The following DIP2B variants were observed in gnomAD, a reference collection of about 807,000 sequenced individuals.
DIP2B encodes the protein DIP2 acetate--CoA ligase B (putative).
DIP2B carries 76 observed loss-of-function variants against 198.0 expected under a neutral mutation model. The observed-to-expected ratio is 0.38, with a 90% CI of 0.32 to 0.46. DIP2B has a LOEUF of 0.46. Ranked by LOEUF, DIP2B falls within the 20% of genes least tolerant of loss-of-function variation. The pLI, the probability that DIP2B is intolerant of heterozygous loss-of-function variation, is 0.99. For synonymous variants in DIP2B, 701 were observed against 739.1 expected (o/e 0.95, Z 0.84); for missense variants, 1,559 against 1,978.4 (o/e 0.79, Z 4.02).
At chr12:50,542,857 G>C (rs1958339017) in intron 1 of DIP2B, among the ~76,000 whole-genome samples, 1 of 152,018 alleles carries the variant, frequency 6.6e-6, no homozygotes, top group Admixed American at 6.6e-5. Context: ...TCTGTTCAGA[G>C]GTTTCTTTTC....
rs145874246 is a variant in DIP2B at position 50,695,302 on chromosome 12, C to G, written c.1755C>G (p.Pro585=). The G allele has an allele frequency of 6.2e-7, 1 of 1,613,856 alleles. No homozygotes were observed. Among genetic ancestry groups the G allele is most frequent in the African/African-American group, 1.3e-5 (1 of 74,900 alleles). The part of the protein sequence containing the change: ...VMNKMHTISV[P]YSVMKTCPLS... The stretch of plus-strand genomic sequence containing the variant: ...ATAAGATGCACACAATCAGCGTACC[C>G]TACTCTGTTATGAAAACCTGTCCTC... Residue 585 remains proline, a synonymous_variant, in exon 15 of 38, where the codon CCC becomes CCG. Coordinates refer to ENST00000301180, the MANE Select transcript of DIP2B (RefSeq NM_173602.3).
chr12:50,553,141 T>TA (rs1645509116), intron 1 of DIP2B, among the ~76,000 whole-genome samples: 1 of 152,174 alleles, frequency 6.6e-6, no homozygotes, highest in Non-Finnish European at 1.5e-5. Flanking sequence ...CGGCCTGAGT[T>TA]AGTTTTCTAT....
At chr12:50,602,595 G>A (rs1414638625) in intron 1 of DIP2B, among the ~76,000 whole-genome samples, 1 of 152,210 alleles carries the variant, frequency 6.6e-6, no homozygotes, top group Non-Finnish European at 1.5e-5. Context: ...GGGTGCGGTG[G>A]CTCACGCCTA....
chr12:50,722,271 T>TA (rs112527661), intron 26 of DIP2B, among the ~76,000 whole-genome samples: 17 of 150,698 alleles, frequency 1.1e-4, no homozygotes, highest in African/African-American at 4.1e-4. Context: ...TATTTTATTT[T>TA]ATTTTATTTT....
Position 50,723,218 on chromosome 12 carries a change from C to A in DIP2B, c.3183C>A (p.Ala1061=). ...GTCTTGCAGGCATTGAGTTAATCGC[C>A]GCCTTCTATGGCTGCCTGTATGCGG... The part of the protein sequence containing the change: ...LLYPPGIELI[A]AFYGCLYAGC... Residue 1061 remains alanine (A), a synonymous_variant, in exon 27 of 38, where the codon GCC becomes GCA. Transcript: ENST00000301180. 4 of 1,614,118 alleles carry A rather than the reference C, an allele frequency of 2.5e-6. No individual in the cohort carries two copies. The highest frequency in any genetic ancestry group is 3.4e-6 in the Non-Finnish European group (4 of 1,180,036).
intron 1 of DIP2B, among the ~76,000 whole-genome samples, chr12:50,619,301 C>T (rs1399573442): frequency 6.6e-6 from 1 of 152,148 alleles, no homozygotes; most frequent in Admixed American, 6.5e-5. Flanking sequence ...TTAGCATTGC[C>T]ACATTTCTTG....
intron 3 of DIP2B, 131 bp from the exon 4 acceptor site, chr12:50,660,063 T>C: frequency 1.0e-6 from 1 of 979,484 alleles, no homozygotes; most frequent in Non-Finnish European, 1.4e-6. Context: ...AAATTATAAA[T>C]AAAAATCATC....
chr12:50,625,859 C>T, intron 1 of DIP2B, 117 bp from the exon 2 acceptor site: 3 of 1,037,514 alleles, frequency 2.9e-6, no homozygotes, highest in Admixed American at 2.1e-5. Flanking sequence ...TTCCCCCCCC[C>T]AACCCCCTGC....
chr12:50,712,045 G>T (rs930991049), intron 22 of DIP2B, among the ~76,000 whole-genome samples: 3 of 152,120 alleles, frequency 2.0e-5, no homozygotes, highest in African/African-American at 7.2e-5. Flanking sequence ...GCCACTGCCT[G>T]TGGTCCCACT....
intron 34 of DIP2B, 102 bp from the exon 35 acceptor site, chr12:50,736,934 G>C (rs146566531): frequency 9.0e-7 from 1 of 1,108,910 alleles, no homozygotes; most frequent in Non-Finnish European, 1.4e-6. Flanking sequence ...GGCTCGCCAT[G>C]TGTGCCTCTC....
At chr12:50,545,796 C>G (rs1958372303) in intron 1 of DIP2B, among the ~76,000 whole-genome samples, 1 of 151,740 alleles carries the variant, frequency 6.6e-6, no homozygotes, top group African/African-American at 2.4e-5. Context: ...CCACCGTGCC[C>G]AGCTAGTTTT....
rs201834183 is a variant in DIP2B, at chr12:50,601,327, CTA to C, written c.101-24643_101-24642del. On this transcript the variant is annotated intron_variant, in intron 1 of 37. Transcript: ENST00000301180. ...TTTAAAGGGTGTTTGCTATATATATCTATATATTTTTTTGTTTGTTTGTTTGT... is the reference window on the plus strand; with the variant it reads ...TTTAAAGGGTGTTTGCTATATATATCTATATTTTTTTGTTTGTTTGTTTGT... Among the ~76,000 whole-genome samples, 22 of 143,492 alleles carry C rather than the reference CTA, an allele frequency of 1.5e-4. No individual in the cohort carries two copies. The East Asian group carries it at 4.8e-3, about 31-fold the overall frequency. The allele number at this position is 143,492 out of a possible 152,430, so 94.1% of individuals were successfully genotyped here.
chr12:50,693,060 T>C, intron 14 of DIP2B, 47 bp downstream of exon 14: 1 of 1,550,988 alleles, frequency 6.4e-7, no homozygotes. Flanking sequence ...GTGCTTGAGA[T>C]AAGGCCAGCA....
chr12:50,633,350 C>T (rs1178816085), intron 2 of DIP2B: 1 of 152,138 alleles, frequency 6.6e-6, no homozygotes, highest in African/African-American at 2.4e-5. Context: ...TGATGACATG[C>T]AAATTCATGA....
At chr12:50,719,216 A>T (rs1412613527) in intron 25 of DIP2B, among the ~76,000 whole-genome samples, 181 bp downstream of exon 25, 1 of 152,094 alleles carries the variant, frequency 6.6e-6, no homozygotes, top group African/African-American at 2.4e-5. Flanking sequence ...TTGGACTGAG[A>T]CCTCCTGGAG....
In DIP2B at chr12:50,661,131, AT is replaced by A. The variant is rs901207391; in HGVS notation, c.427+820del. Among the ~76,000 whole-genome samples, 3 of 152,112 alleles carry A rather than the reference AT, an allele frequency of 2.0e-5. No homozygotes were observed. The East Asian group carries it at 5.8e-4, about 29-fold the overall frequency. Reference sequence around the variant, plus strand: ...CTTCTCTAGTGGAAGCTCGAAAAAAATTTTTTTTAGATCGAATCCCAGACAA... The same window carrying A: ...CTTCTCTAGTGGAAGCTCGAAAAAAATTTTTTTAGATCGAATCCCAGACAA... On this transcript the variant is annotated intron_variant, in intron 4 of 37. Coordinates refer to ENST00000301180, the MANE Select transcript of DIP2B (RefSeq NM_173602.3).
Position 50,698,383 on chromosome 12 carries a change from T to C in DIP2B, c.2104T>C (p.Leu702=). 6.2e-7 allele frequency: 1 copy of C among 1,613,984 alleles called. No individual in the cohort carries two copies. Among genetic ancestry groups the C allele is most frequent in the Non-Finnish European group, 8.5e-7 (1 of 1,179,940 alleles). The part of the protein sequence containing the change: ...PGRAILSMNG[L]SYGVIRVNTE... ...AAGAGCCATTCTCTCAATGAATGGA[T>C]TGAGCTATGGGGTAATACGGGTCAA... The change falls in exon 18 of 38, where the codon TTG becomes CTG. Residue 702 remains leucine, a synonymous_variant. Transcript: ENST00000301180.
In DIP2B at chr12:50,719,021, C is replaced by G; in HGVS notation, c.3028C>G (p.Leu1010Val). Reference sequence around the variant, plus strand: ...GACTCCTGACCATGTACTCTTCATGCTGTTAAATGCCAAGGTATTAAAAAT... The same window carrying G: ...GACTCCTGACCATGTACTCTTCATGGTGTTAAATGCCAAGGTATTAAAAAT... ...QATPDHVLFMLLNAKGTTVCT... is the reference protein window; with the variant it reads ...QATPDHVLFMVLNAKGTTVCT... The change falls in exon 25 of 38, where the codon CTG (leucine) becomes GTG (valine). Residue 1010 changes from leucine to valine, a missense_variant. By Grantham distance (32) the Leu-to-Val change is conservative (BLOSUM62 1). Coordinates refer to ENST00000301180, the MANE Select transcript of DIP2B (RefSeq NM_173602.3). 1 of 1,614,146 alleles carries G rather than the reference C, an allele frequency of 6.2e-7. No homozygotes were observed. Among genetic ancestry groups the G allele is most frequent in the South Asian group, 1.1e-5 (1 of 91,064 alleles).
intron 1 of DIP2B, among the ~76,000 whole-genome samples, chr12:50,539,177 G>C (rs1159028370): frequency 6.6e-6 from 1 of 151,576 alleles, no homozygotes; most frequent in Non-Finnish European, 1.5e-5. Context: ...ATGTGTCTAG[G>C]CATGTGTCTT....
Sources: gnomAD v4.1 joint callset for allele counts (sites outside exome capture counted in the v4.1 genomes callset) on GRCh38, gnomAD v4.1.1 for gene constraint, MANE v1.5 for transcripts, NCBI Gene and HGNC (gene_info 2026-07-23, HGNC 2026-07-21) for gene names.